ASAP2: variants seen among roughly 807,000 people sequenced by gnomAD.
ASAP2 encodes ArfGAP with SH3 domain, ankyrin repeat and PH domain 2.
In ASAP2, 45 loss-of-function variants were observed where a neutral mutation model predicts 131.4. That is an observed-to-expected ratio of 0.34 (90% CI 0.27 to 0.44). ASAP2 has a LOEUF of 0.44. Among genes scored for constraint, ASAP2 ranks in the 20% least tolerant of loss-of-function variants. The pLI is 1.00. For synonymous variants in ASAP2, 510 were observed against 503.0 expected (o/e 1.01, Z -0.19); for missense variants, 1,011 against 1,297.0 (o/e 0.78, Z 3.39).
chr2:9,381,595 G>A (rs1039129961), intron 20 of ASAP2, among the ~76,000 whole-genome samples: 6 of 152,178 alleles, frequency 3.9e-5, no homozygotes, highest in Non-Finnish European at 7.3e-5. Flanking sequence ...AACTAGCAAC[G>A]CATGGTGGAG....
intron 16 of ASAP2, among the ~76,000 whole-genome samples, chr2:9,368,764 A>G (rs1011494220): frequency 6.6e-6 from 1 of 152,052 alleles, no homozygotes; most frequent in African/African-American, 2.4e-5. Context: ...GGGTATGTAG[A>G]GAGCCTCACT....
intron 11 of ASAP2, among the ~76,000 whole-genome samples, chr2:9,347,578 A>C (rs931025428): frequency 2.6e-5 from 4 of 152,244 alleles, no homozygotes; most frequent in Non-Finnish European, 5.9e-5. Context: ...GGAAGCTGGC[A>C]GCCTCTGGGA....
intron 22 of ASAP2, 21 bp downstream of exon 22, chr2:9,388,567 C>T (rs980385216): frequency 6.2e-7 from 1 of 1,604,766 alleles, no homozygotes; most frequent in Non-Finnish European, 8.5e-7. Context: ...GTCCGTCATC[C>T]CTGTGAATAT....
At chr2:9,400,656 A>G (rs1676583464) in intron 25 of ASAP2, 86 bp from the exon 26 acceptor site, 1 of 1,270,642 alleles carries the variant, frequency 7.9e-7, no homozygotes, top group Admixed American at 1.7e-5. Context: ...ACCTGCTTTC[A>G]GACACACCCT....
At chr2:9,376,737 C>T (rs1048966102) in intron 17 of ASAP2, among the ~76,000 whole-genome samples, 171 bp from the exon 18 acceptor site, 1 of 152,166 alleles carries the variant, frequency 6.6e-6, no homozygotes, top group African/African-American at 2.4e-5. Flanking sequence ...ATTGCACGTT[C>T]CCAAGGGCAA....
intron 1 of ASAP2, among the ~76,000 whole-genome samples, chr2:9,247,895 C>G (rs1664442684): frequency 6.6e-6 from 1 of 152,210 alleles, no homozygotes; most frequent in Non-Finnish European, 1.5e-5. Context: ...CTCTCCTCCT[C>G]TGCCCCCCAC....
At chr2:9,334,356 T>G (rs1250146868) in intron 7 of ASAP2, among the ~76,000 whole-genome samples, 1 of 151,770 alleles carries the variant, frequency 6.6e-6, no homozygotes, top group South Asian at 2.1e-4. Context: ...GCACCCGGCC[T>G]CTGCATTCCT....
At chr2:9,295,721 A>G (rs543368286) in intron 2 of ASAP2, among the ~76,000 whole-genome samples, 80 of 152,314 alleles carry the variant, frequency 5.3e-4, no homozygotes, top group African/African-American at 1.9e-3. Context: ...AAATTCATTT[A>G]ATTTATCTAG....
intron 1 of ASAP2, among the ~76,000 whole-genome samples, chr2:9,274,374 G>A (rs1666613630): frequency 7.2e-6 from 1 of 139,128 alleles, no homozygotes; most frequent in Non-Finnish European, 1.5e-5. Flanking sequence ...CCAAGCTGGA[G>A]TACAGTGGTG....
chr2:9,270,409 TAA>T (rs1392738054), intron 1 of ASAP2, among the ~76,000 whole-genome samples: 9 of 152,152 alleles, frequency 5.9e-5, no homozygotes, highest in Non-Finnish European at 1.2e-4. Context: ...TTTGTTGCTC[TAA>T]GATTTCAGTA....
chr2:9,351,491 T>C (rs1216356296), intron 12 of ASAP2, among the ~76,000 whole-genome samples: 2 of 152,072 alleles, frequency 1.3e-5, no homozygotes. Context: ...TAAAAGAAAA[T>C]AAGATAAACC....
intron 1 of ASAP2, among the ~76,000 whole-genome samples, chr2:9,278,541 AG>A (rs1229707049): frequency 6.6e-6 from 1 of 151,670 alleles, no homozygotes; most frequent in Non-Finnish European, 1.5e-5. Flanking sequence ...AAAAGAACAA[AG>A]GACTTTTTAC....
chr2:9,377,759 C>G (rs1572587052), intron 18 of ASAP2, among the ~76,000 whole-genome samples: 1 of 152,174 alleles, frequency 6.6e-6, no homozygotes, highest in South Asian at 2.1e-4. Context: ...GTGTCCTCTG[C>G]TTTTTCCTCC....
At chr2:9,366,763 G>A (rs1479120870) in intron 15 of ASAP2, among the ~76,000 whole-genome samples, 1 of 152,072 alleles carries the variant, frequency 6.6e-6, no homozygotes, top group Non-Finnish European at 1.5e-5. Flanking sequence ...ACGTGTCAAG[G>A]GCCGGGTTGA....
rs900375022 is a variant in ASAP2 at position 9,212,017 on chromosome 2, C to G, written c.126+4787C>G. Among the ~76,000 whole-genome samples, 42 of 152,274 alleles carry G rather than the reference C, an allele frequency of 2.8e-4. 1 individual carries two copies. Among genetic ancestry groups the G allele is most frequent in the African/African-American group, 7.9e-4 (33 of 41,548 alleles). ...TCACTTAAGGAAGCAGCCATTTTCT[C>G]TTCATATGTGAGCCTTCCTCCCTGC... On this transcript the variant is annotated intron_variant, in intron 1 of 27. Coordinates refer to ENST00000281419, the MANE Select transcript of ASAP2 (RefSeq NM_003887.3).
At chr2:9,335,474 T>C (rs535397768) in intron 9 of ASAP2, among the ~76,000 whole-genome samples, 20 of 152,206 alleles carry the variant, frequency 1.3e-4, no homozygotes, top group Non-Finnish European at 2.5e-4. Flanking sequence ...ACAGAGACCA[T>C]GTGTCATTTG....
At chr2:9,251,862 T>C (rs1664732659) in intron 1 of ASAP2, among the ~76,000 whole-genome samples, 1 of 151,284 alleles carries the variant, frequency 6.6e-6, no homozygotes, top group South Asian at 2.1e-4. Context: ...GGAGCAGAGA[T>C]GGGCCTGAGG....
intron 16 of ASAP2, among the ~76,000 whole-genome samples, chr2:9,371,668 G>A (rs1307496841): frequency 6.6e-6 from 1 of 152,092 alleles, no homozygotes; most frequent in East Asian, 1.9e-4. Context: ...AGGGAAGCTA[G>A]GCTTGTATTT....
intron 1 of ASAP2, among the ~76,000 whole-genome samples, chr2:9,222,830 C>G (rs1479434084): frequency 1.3e-5 from 2 of 152,172 alleles, no homozygotes; most frequent in Non-Finnish European, 2.9e-5. Flanking sequence ...TGTCTACACT[C>G]CTGGTCCCAC....
Sources: allele counts gnomAD v4.1 joint callset (sites outside exome capture counted in the v4.1 genomes callset), GRCh38; gene constraint gnomAD v4.1.1; transcripts MANE v1.5; gene names NCBI Gene and HGNC (gene_info 2026-07-23, HGNC 2026-07-21).